SUGCT: variants seen among roughly 807,000 people sequenced by gnomAD.
SUGCT encodes the protein succinyl-CoA:glutarate CoA-transferase.
In SUGCT, 41 loss-of-function variants were observed where a neutral mutation model predicts 55.0. The observed-to-expected ratio is 0.74, with a 90% CI of 0.58 to 0.97. SUGCT has a LOEUF of 0.97. Ranked by LOEUF, SUGCT falls within the 50% of genes least tolerant of loss-of-function variation. The pLI is 0.00. For missense variants in SUGCT, 568 were observed against 547.8 expected (o/e 1.04, Z -0.37); for synonymous variants, 187 against 200.4 (o/e 0.93, Z 0.56).
At chr7:40,214,846 G>C (rs570667241) in intron 6 of SUGCT, among the ~76,000 whole-genome samples, 1 of 151,882 alleles carries the variant, frequency 6.6e-6, no homozygotes, top group Non-Finnish European at 1.5e-5. Context: ...CCCGGGAGGC[G>C]GAGGTTGCAG....
intron 9 of SUGCT, among the ~76,000 whole-genome samples, chr7:40,327,826 T>G (rs1387938459): frequency 1.3e-5 from 2 of 152,252 alleles, no homozygotes; most frequent in African/African-American, 4.8e-5. Context: ...AATTATCAGA[T>G]GTAACATTTA....
intron 13 of SUGCT, among the ~76,000 whole-genome samples, chr7:40,827,073 G>A (rs1275920341): frequency 1.3e-5 from 2 of 152,054 alleles, no homozygotes; most frequent in African/African-American, 2.4e-5. Flanking sequence ...ACATCCTGAC[G>A]AATGAAAAGG....
intron 11 of SUGCT, among the ~76,000 whole-genome samples, chr7:40,490,176 G>A (rs1472182460): frequency 6.6e-6 from 1 of 152,206 alleles, no homozygotes; most frequent in Non-Finnish European, 1.5e-5. Flanking sequence ...GAGGCTGTTC[G>A]TGGGTTCAAG....
chr7:40,747,898 C>T (rs890967538), intron 12 of SUGCT, among the ~76,000 whole-genome samples: 1 of 152,160 alleles, frequency 6.6e-6, no homozygotes, highest in Admixed American at 6.6e-5. Context: ...CTCAGCCCAT[C>T]CACCACCTTT....
the SUGCT span, among the ~76,000 whole-genome samples, chr7:41,017,968 G>T: frequency 6.6e-6 from 1 of 151,402 alleles, no homozygotes; most frequent in South Asian, 2.1e-4. Context: ...GGAGACTGAT[G>T]CATGACTTCT....
intron 13 of SUGCT, among the ~76,000 whole-genome samples, chr7:40,760,418 G>A (rs1215449182): frequency 6.6e-6 from 1 of 152,114 alleles, no homozygotes; most frequent in African/African-American, 2.4e-5. Context: ...AAGTAGAATA[G>A]TGATTGTCAG....
At chr7:40,221,224 G>C (rs1057378988) in intron 6 of SUGCT, among the ~76,000 whole-genome samples, 2 of 151,790 alleles carry the variant, frequency 1.3e-5, no homozygotes, top group Non-Finnish European at 2.9e-5. Context: ...GACCAGCCTG[G>C]CCAACATAGT....
chr7:40,842,581 A>T lies in SUGCT; in HGVS notation c.1154-17735A>T, dbSNP rs528652141. Among the ~76,000 whole-genome samples, 633 of 152,244 alleles carry T rather than the reference A, an allele frequency of 4.2e-3. 2 individuals carry two copies. Among genetic ancestry groups the T allele is most frequent in the Non-Finnish European group, 7.3e-3 (499 of 67,954 alleles). On this transcript the variant is annotated intron_variant, in intron 13 of 13. Transcript: ENST00000335693. Reference sequence around the variant, plus strand: ...GAAAATGTAGAAACTCTTCCTCTTCATTTATTTGTTCATTTAACAAATATT... The same window carrying T: ...GAAAATGTAGAAACTCTTCCTCTTCTTTTATTTGTTCATTTAACAAATATT...
chr7:40,205,640 CAAAAAAAAAAAAAA>C (rs67396482), intron 6 of SUGCT, among the ~76,000 whole-genome samples: 4 of 77,464 alleles, frequency 5.2e-5, no homozygotes, highest in Non-Finnish European at 1.0e-4. Flanking sequence ...AACTTCATCT[CAAAAAAAAAAAAAA>C]AAAAAAAAGA....
At chr7:40,556,468 G>C (rs1465678579) in intron 12 of SUGCT, among the ~76,000 whole-genome samples, 1 of 152,152 alleles carries the variant, frequency 6.6e-6, no homozygotes, top group African/African-American at 2.4e-5. Flanking sequence ...TTTCTCCTGG[G>C]AGCACTTCAC....
At chr7:40,340,413 G>T (rs1796981477) in intron 9 of SUGCT, among the ~76,000 whole-genome samples, 1 of 151,946 alleles carries the variant, frequency 6.6e-6, no homozygotes, top group Admixed American at 6.6e-5. Flanking sequence ...CAATTTAAGA[G>T]AATGGAACTA....
At chr7:40,580,840 A>G (rs1797050430) in intron 12 of SUGCT, among the ~76,000 whole-genome samples, 1 of 152,230 alleles carries the variant, frequency 6.6e-6, no homozygotes. Context: ...AGTGACATGT[A>G]TAGGTTTGTA....
chr7:40,476,622 T>C (rs372832752), intron 11 of SUGCT, among the ~76,000 whole-genome samples: 36 of 152,290 alleles, frequency 2.4e-4, no homozygotes, highest in African/African-American at 7.9e-4. Flanking sequence ...GCTCATATAC[T>C]ACCCTGTTGT....
At chr7:40,583,795 A>G (rs1267721393) in intron 12 of SUGCT, among the ~76,000 whole-genome samples, 2 of 152,190 alleles carry the variant, frequency 1.3e-5, no homozygotes, top group African/African-American at 4.8e-5. Context: ...GCACCTGGTC[A>G]GTTGTGCAAT....
At chr7:40,237,563 AAC>A in intron 6 of SUGCT, 70 bp from the exon 7 acceptor site, 4 of 1,129,434 alleles carry the variant, frequency 3.5e-6, no homozygotes, top group Non-Finnish European at 5.4e-6. Context: ...AAATGTTTCT[AAC>A]ACACTATATT....
intron 13 of SUGCT, among the ~76,000 whole-genome samples, chr7:40,770,762 A>T (rs1293202995): frequency 1.3e-5 from 2 of 152,170 alleles, no homozygotes; most frequent in Non-Finnish European, 2.9e-5. Context: ...AACTCAGTTT[A>T]TATAATTCCT....
intron 9 of SUGCT, among the ~76,000 whole-genome samples, chr7:40,337,051 G>C (rs1347190244): frequency 2.0e-5 from 3 of 152,186 alleles, no homozygotes; most frequent in Non-Finnish European, 4.4e-5. Context: ...CCATGTAGTT[G>C]AGCGATTTTG....
At chr7:40,289,829 A>G (rs1385234603) in intron 8 of SUGCT, among the ~76,000 whole-genome samples, 1 of 152,022 alleles carries the variant, frequency 6.6e-6, no homozygotes, top group Non-Finnish European at 1.5e-5. Flanking sequence ...AAATCAATGT[A>G]CAAAAATCAC....
At position 40,196,622 on chromosome 7, in the gene SUGCT, G is replaced by A. The variant is rs963608700; in HGVS notation, c.484+1562G>A. ...AGAGACCTGCATGGGGTAAAGGAGT[G>A]AACCACATAGCTACTGGCGAAGAGG... On this transcript the variant is annotated intron_variant, in intron 6 of 13. Coordinates refer to ENST00000335693, the MANE Select transcript of SUGCT (RefSeq NM_001193313.2). Among the ~76,000 whole-genome samples, 3 of 152,278 alleles carry A rather than the reference G, an allele frequency of 2.0e-5. No individual in the cohort carries two copies. In the East Asian group the frequency reaches 5.8e-4, roughly 29 times the overall value.
Sources: gnomAD v4.1 joint callset for allele counts (sites outside exome capture counted in the v4.1 genomes callset) on GRCh38, gnomAD v4.1.1 for gene constraint, MANE v1.5 for transcripts, NCBI Gene and HGNC (gene_info 2026-07-23, HGNC 2026-07-21) for gene names.